PCF11: variants seen among roughly 807,000 people sequenced by gnomAD.
The protein encoded by PCF11 is PCF11 cleavage and polyadenylation factor subunit.
In PCF11, 19 loss-of-function variants were observed where a neutral mutation model predicts 166.1. That is an observed-to-expected ratio of 0.11 (90% CI 0.08 to 0.17). PCF11 has a LOEUF of 0.17. Ranked by LOEUF, PCF11 falls within the 10% of genes least tolerant of loss-of-function variation. The pLI is 1.00. For synonymous variants in PCF11, 663 were observed against 644.1 expected (o/e 1.03, Z -0.44); for missense variants, 1,565 against 1,855.5 (o/e 0.84, Z 2.88).
In PCF11 at chr11:83,167,581, C is replaced by G; in HGVS notation, c.2092+76C>G. ...GGATTAAAAAAGAAACCTCTCTTATCTGATGCTGAATTAACCTACTATGAA... is the reference window on the plus strand; with the variant it reads ...GGATTAAAAAAGAAACCTCTCTTATGTGATGCTGAATTAACCTACTATGAA... On this transcript the variant is annotated intron_variant, in intron 7 of 15. Coordinates refer to ENST00000298281, the Ensembl canonical transcript of PCF11. This position sits in a 1 kb window ranked among gnomAD's most constrained non-coding sequence, Gnocchi z 4.2. 6.4e-7 allele frequency: 1 copy of G among 1,552,930 alleles called. No individual in the cohort carries two copies. The highest frequency in any genetic ancestry group is 8.7e-7 in the Non-Finnish European group (1 of 1,148,858).
intron 15 of PCF11, 64 bp from the exon 16 acceptor site, chr11:83,184,613 CTA>C (rs1232723250): frequency 9.1e-7 from 1 of 1,096,070 alleles, no homozygotes; most frequent in Admixed American, 2.0e-5. Flanking sequence ...TCTTACAAGA[CTA>C]AATGTTATTT....
exon 5 of PCF11, chr11:83,165,887 T>G: frequency 6.2e-7 from 1 of 1,605,332 alleles, no homozygotes; most frequent in Non-Finnish European, 8.5e-7. Context: ...CTAAGACAAG[T>G]AAAACTATAC....
At position 83,167,410 on chromosome 11, in the gene PCF11, T is replaced by C. The variant is rs778975148; in HGVS notation, c.2002-5T>C. On this transcript the variant is annotated splice_region_variant and splice_polypyrimidine_tract_variant and intron_variant, in intron 6 of 15. Transcript: ENST00000298281. The surrounding 1 kb of genome is among the most constrained non-coding windows in gnomAD (Gnocchi z 4.2). ...ATTTTATTTCCTTTTATCACCCCTATACAGACGAGTGAACGTTTAGCATCT... is the reference window on the plus strand; with the variant it reads ...ATTTTATTTCCTTTTATCACCCCTACACAGACGAGTGAACGTTTAGCATCT... 1 of 1,591,592 alleles carries C rather than the reference T, an allele frequency of 6.3e-7. No individual in the cohort carries two copies. Among genetic ancestry groups the C allele is most frequent in the Non-Finnish European group, 8.5e-7 (1 of 1,171,996 alleles).
chr11:83,166,215 C>G, exon 5 of PCF11: 1 of 1,613,242 alleles, frequency 6.2e-7, no homozygotes. Flanking sequence ...GTCATCCGAA[C>G]ACAGACTGGC....
intron 9 of PCF11, among the ~76,000 whole-genome samples, 159 bp downstream of exon 9, chr11:83,172,073 A>T (rs571542042): frequency 2.0e-4 from 30 of 152,288 alleles, no homozygotes; most frequent in Non-Finnish European, 3.5e-4. Context: ...TTCTAAGTTT[A>T]TTTACATTGT....
At chr11:83,173,969 TCCACCTGCCTTGAC>T (rs373248895) in intron 9 of PCF11, among the ~76,000 whole-genome samples, 3,290 of 152,224 alleles carry the variant, frequency 0.022, 113 homozygotes, top group African/African-American at 0.075. Context: ...CCTCAGGTGA[TCCACCTGCCTTGAC>T]CTCCCAAAGT....
chr11:83,161,338 A>C (rs758706322), exon 2 of PCF11: 1 of 1,597,550 alleles, frequency 6.3e-7, no homozygotes, highest in Non-Finnish European at 8.5e-7. Flanking sequence ...CTCCTTCCTC[A>C]GAGAAGCTTC....
At chr11:83,181,613 A>T (rs1012419859) in intron 12 of PCF11, among the ~76,000 whole-genome samples, 13 of 151,746 alleles carry the variant, frequency 8.6e-5, no homozygotes, top group African/African-American at 1.9e-4. Context: ...TAAAAAAAAA[A>T]ATATACTTGA....
rs751059137 is a variant in PCF11, at chr11:83,167,908, G to A, written c.2092+403G>A. 7.7e-7 allele frequency: 1 copy of A among 1,293,126 alleles called. No homozygotes were observed. Among genetic ancestry groups the A allele is most frequent in the Non-Finnish European group, 1.0e-6 (1 of 992,694 alleles). 80.1% of individuals were successfully genotyped at this position (1,293,126 alleles called of 1,614,324 possible). On this transcript the variant is annotated intron_variant, in intron 7 of 15. Coordinates refer to ENST00000298281, the Ensembl canonical transcript of PCF11. This position sits in a 1 kb window ranked among gnomAD's most constrained non-coding sequence, Gnocchi z 4.2. ...CAAGTCTCTGCTAAAGGTAGAAAAA[G>A]TTAAATCAGATTATGCCTATTGAAT... is the stretch of plus-strand genomic sequence containing the variant.
At chr11:83,184,620 T>G in intron 15 of PCF11, 59 bp from the exon 16 acceptor site, 1 of 1,145,286 alleles carries the variant, frequency 8.7e-7, no homozygotes, top group Non-Finnish European at 1.3e-6. Context: ...AGACTAAATG[T>G]TATTTAATGT....
chr11:83,165,360 C>G (rs1199527252), intron 4 of PCF11, among the ~76,000 whole-genome samples: 3 of 151,960 alleles, frequency 2.0e-5, no homozygotes, highest in Admixed American at 6.6e-5. Context: ...TTTTTTCATT[C>G]TATTTAGAGA....
chr11:83,179,052 G>T (rs569971147), intron 11 of PCF11, among the ~76,000 whole-genome samples: 8 of 151,252 alleles, frequency 5.3e-5, no homozygotes, highest in African/African-American at 1.7e-4. Context: ...TAGTGAATGA[G>T]TTTTTCACTC....
chr11:83,178,851 T>C (rs1042278838), intron 11 of PCF11, among the ~76,000 whole-genome samples: 1 of 152,148 alleles, frequency 6.6e-6, no homozygotes, highest in South Asian at 2.1e-4. Flanking sequence ...TTATAAGTAA[T>C]GTTAATTGTG....
intron 15 of PCF11, among the ~76,000 whole-genome samples, chr11:83,183,433 AT>A (rs1861151737): frequency 6.6e-6 from 1 of 151,694 alleles, no homozygotes; most frequent in Non-Finnish European, 1.5e-5. Context: ...TATGGGTAGC[AT>A]TTACTGCTAT....
chr11:83,178,409 T>A (rs1056854841), intron 11 of PCF11, among the ~76,000 whole-genome samples: 8 of 152,164 alleles, frequency 5.3e-5, no homozygotes, highest in African/African-American at 1.9e-4. Context: ...CCTGTTTAGT[T>A]TCATTTTCTG....
chr11:83,179,589 G>A (rs11827953), intron 11 of PCF11, among the ~76,000 whole-genome samples: 3,211 of 151,998 alleles, frequency 0.021, 89 homozygotes, highest in African/African-American at 0.072. Context: ...ACCACATCTG[G>A]ACATAATCTC....
rs561534326 is a variant in PCF11 at position 83,167,865 on chromosome 11, C to T, written c.2092+360C>T. On this transcript the variant is annotated intron_variant, in intron 7 of 15. Transcript: ENST00000298281. This position sits in a 1 kb window ranked among gnomAD's most constrained non-coding sequence, Gnocchi z 4.2. ...TGAGAATCTTTCACCCCATGAGGGC[C>T]GGAGAAGACATGACGAGCAAGTCTC... 3.8e-5 allele frequency: 50 copies of T among 1,309,816 alleles called. No homozygotes were observed. Among genetic ancestry groups the T allele is most frequent in the Middle Eastern group, 2.1e-4 (1 of 4,818 alleles). The allele number at this position is 1,309,816 out of a possible 1,614,324, so 81.1% of individuals were successfully genotyped here. A position where few individuals can be genotyped will look rare whatever the true frequency, so the allele number is the denominator to read the frequency against.
exon 8 of PCF11, chr11:83,168,503 A>C: frequency 1.9e-6 from 3 of 1,613,982 alleles, no homozygotes; most frequent in Non-Finnish European, 2.5e-6. Flanking sequence ...GATTCAGATA[A>C]ACCATTTGTA....
chr11:83,161,595 AAG>A (rs1860256847), intron 2 of PCF11, 143 bp downstream of exon 2: 3 of 571,046 alleles, frequency 5.3e-6, no homozygotes, highest in South Asian at 5.5e-5. Flanking sequence ...ATTTCAAAGA[AAG>A]AGGCTGAAGT....
Sources: allele counts gnomAD v4.1 joint callset (sites outside exome capture counted in the v4.1 genomes callset), GRCh38; gene constraint gnomAD v4.1.1; non-coding constraint Gnocchi (gnomAD v3.1); transcripts MANE v1.5; gene names NCBI Gene and HGNC (gene_info 2026-07-23, HGNC 2026-07-21).